Variants in KCNB2 observed in about 807,000 individuals in gnomAD.
KCNB2 encodes the protein potassium voltage-gated channel subfamily B member 2, also known as delayed rectifier potassium channel protein.
KCNB2 carries 15 observed loss-of-function variants against 61.5 expected under a neutral mutation model. The ratio of observed to expected loss-of-function variants is 0.24; its 90% CI spans 0.16 to 0.38. The LOEUF is 0.38. Among genes scored for constraint, KCNB2 ranks in the 10% least tolerant of loss-of-function variants. KCNB2 has a pLI of 1.00. For missense variants in KCNB2, 828 were observed against 1,125.2 expected (o/e 0.74, Z 3.78); for synonymous variants, 457 against 446.0 (o/e 1.02, Z -0.31).
chr8:72,774,207 G>A lies in KCNB2; in HGVS notation c.580-161728G>A, dbSNP rs542485471. 5.3e-5 allele frequency among the ~76,000 whole-genome samples: 8 copies of A among 152,210 alleles called. No individual in the cohort carries two copies. In the South Asian group the frequency reaches 1.0e-3, roughly 20 times the overall value. ...GCTTAAATGCTAGCCAAGTATTGAA[G>A]CCCAGGCAACCTGACTTCAGAGTCT... On this transcript the variant is annotated intron_variant, in intron 2 of 2. Coordinates refer to ENST00000523207, the MANE Select transcript of KCNB2 (RefSeq NM_004770.3).
At chr8:72,767,761 C>T (rs995720303) in intron 2 of KCNB2, among the ~76,000 whole-genome samples, 1 of 152,152 alleles carries the variant, frequency 6.6e-6, no homozygotes, top group Admixed American at 6.5e-5. Flanking sequence ...CACATGGCAA[C>T]CCCATGTTTA....
chr8:72,678,086 A>C (rs1302915682), intron 2 of KCNB2, among the ~76,000 whole-genome samples: 7 of 152,180 alleles, frequency 4.6e-5, no homozygotes, highest in Non-Finnish European at 1.0e-4. Flanking sequence ...CTGTTGTGTG[A>C]ACTAAAATTT....
chr8:72,600,663 A>C (rs1807283701), intron 2 of KCNB2, among the ~76,000 whole-genome samples: 1 of 152,180 alleles, frequency 6.6e-6, no homozygotes, highest in African/African-American at 2.4e-5. Flanking sequence ...AGCCATAAAA[A>C]AGGATGAGAT....
At chr8:72,803,887 GCAA>G (rs1335025003) in intron 2 of KCNB2, among the ~76,000 whole-genome samples, 5 of 152,208 alleles carry the variant, frequency 3.3e-5, no homozygotes, top group Non-Finnish European at 7.3e-5. Context: ...CTGACCTTGG[GCAA>G]TAGCTTTACC....
At chr8:72,641,702 C>T (rs1347182562) in intron 2 of KCNB2, among the ~76,000 whole-genome samples, 1 of 152,062 alleles carries the variant, frequency 6.6e-6, no homozygotes, top group Non-Finnish European at 1.5e-5. Flanking sequence ...AATGCTTCTT[C>T]CTAGCAGCAT....
At position 72,698,378 on chromosome 8, in the gene KCNB2, GA is replaced by G. The variant is rs1448615750; in HGVS notation, c.579+130070del. Among the ~76,000 whole-genome samples the G allele has an allele frequency of 2.0e-5, 3 of 152,034 alleles. No homozygotes were observed. In the South Asian group the frequency reaches 6.2e-4, roughly 32 times the overall value. On this transcript the variant is annotated intron_variant, in intron 2 of 2. Transcript: ENST00000523207. ...AAATCATAGATGACATAAACAAATG[GA>G]AAAACATTCTACATTCATGGGGTAG...
intron 2 of KCNB2, among the ~76,000 whole-genome samples, chr8:72,742,661 A>G (rs1807981996): frequency 6.6e-6 from 1 of 152,166 alleles, no homozygotes; most frequent in African/African-American, 2.4e-5. Context: ...CTTGTATCAG[A>G]AGAACGTTTC....
chr8:72,688,269 A>G (rs1461589077), intron 2 of KCNB2, among the ~76,000 whole-genome samples: 1 of 152,142 alleles, frequency 6.6e-6, no homozygotes, highest in African/African-American at 2.4e-5. Context: ...TGAGCTCCTT[A>G]GCTTTCTGAA....
At chr8:72,588,306 C>G (rs1444849006) in intron 2 of KCNB2, among the ~76,000 whole-genome samples, 1 of 151,794 alleles carries the variant, frequency 6.6e-6, no homozygotes, top group Non-Finnish European at 1.5e-5. Flanking sequence ...GCATCCTCCC[C>G]ATCCCAGGTT....
chr8:72,755,577 G>A (rs996947206), intron 2 of KCNB2, among the ~76,000 whole-genome samples: 1 of 152,152 alleles, frequency 6.6e-6, no homozygotes, highest in Non-Finnish European at 1.5e-5. Flanking sequence ...TATATGAATG[G>A]CAAATAAGCA....
At chr8:72,670,089 C>T (rs1366732312) in intron 2 of KCNB2, among the ~76,000 whole-genome samples, 1 of 152,156 alleles carries the variant, frequency 6.6e-6, no homozygotes, top group Non-Finnish European at 1.5e-5. Context: ...AGACTATCTC[C>T]AAATTGCTTC....
intron 2 of KCNB2, among the ~76,000 whole-genome samples, chr8:72,628,517 A>G (rs1199614391): frequency 6.6e-6 from 1 of 151,646 alleles, no homozygotes; most frequent in Non-Finnish European, 1.5e-5. Flanking sequence ...AGGTTAGCAG[A>G]TTTTTCCCAA....
chr8:72,706,849 T>A (rs1400318137), intron 2 of KCNB2, among the ~76,000 whole-genome samples: 1 of 152,220 alleles, frequency 6.6e-6, no homozygotes, highest in Non-Finnish European at 1.5e-5. Flanking sequence ...TTAACCTGCT[T>A]TAACCTACCC....
chr8:72,793,251 T>C (rs1416520554), intron 2 of KCNB2, among the ~76,000 whole-genome samples: 1 of 152,006 alleles, frequency 6.6e-6, no homozygotes, highest in Non-Finnish European at 1.5e-5. Flanking sequence ...ATGAACAAAT[T>C]AATGAACCAG....
intron 2 of KCNB2, among the ~76,000 whole-genome samples, chr8:72,727,227 C>T (rs1322406664): frequency 6.6e-6 from 1 of 152,060 alleles, no homozygotes; most frequent in Non-Finnish European, 1.5e-5. Context: ...CCCCCCAGAC[C>T]TATTTTAAAT....
chr8:72,919,750 G>T (rs1015414418), intron 2 of KCNB2, among the ~76,000 whole-genome samples: 2 of 152,122 alleles, frequency 1.3e-5, no homozygotes, highest in Non-Finnish European at 2.9e-5. Context: ...AAATGTTTAG[G>T]CTATATGTGA....
At chr8:72,927,901 A>G (rs1806686873) in intron 2 of KCNB2, among the ~76,000 whole-genome samples, 1 of 152,130 alleles carries the variant, frequency 6.6e-6, no homozygotes, top group South Asian at 2.1e-4. Context: ...CTCAGTCTGT[A>G]ATGCCCTTTA....
chr8:72,620,362 A>G (rs1805696515), intron 2 of KCNB2, among the ~76,000 whole-genome samples: 1 of 152,222 alleles, frequency 6.6e-6, no homozygotes, highest in Non-Finnish European at 1.5e-5. Flanking sequence ...ATGCTGATTC[A>G]AACCTGGGTC....
At chr8:72,539,760 C>G (rs575392943) in intron 1 of KCNB2, among the ~76,000 whole-genome samples, 2 of 152,332 alleles carry the variant, frequency 1.3e-5, no homozygotes, top group Non-Finnish European at 2.9e-5. Flanking sequence ...TTGCATTTCA[C>G]TGTTCTCCAA....
Sources: gnomAD v4.1 joint callset for allele counts (sites outside exome capture counted in the v4.1 genomes callset) on GRCh38, gnomAD v4.1.1 for gene constraint, MANE v1.5 for transcripts, NCBI Gene and HGNC (gene_info 2026-07-23, HGNC 2026-07-21) for gene names.